TRIM46: variants seen among roughly 807,000 people sequenced by gnomAD.
The protein encoded by TRIM46 is tripartite motif-containing protein 46.
TRIM46 carries 17 observed loss-of-function variants against 69.7 expected under a neutral mutation model. The ratio of observed to expected loss-of-function variants is 0.24; its 90% CI spans 0.17 to 0.37. TRIM46 has a LOEUF of 0.37. TRIM46 is among the 10% of genes least tolerant of loss of function. The pLI is 1.00. For synonymous variants in TRIM46, 391 were observed against 429.0 expected (o/e 0.91, Z 1.09); for missense variants, 675 against 1,025.1 (o/e 0.66, Z 4.66).
chr1:155,179,958 C>A (rs780751067), intron 8 of TRIM46, 24 bp downstream of exon 8: 5 of 1,555,720 alleles, frequency 3.2e-6, no homozygotes, highest in South Asian at 1.2e-5. Context: ...CACAGGTGGT[C>A]GTGCAAAGGG....
chr1:155,176,190 C>A lies in TRIM46; in HGVS notation c.628C>A (p.Gln210Lys). ...LFHPWGTQKA[Q>K]HEPTLPTLSF... ...CCACCCCTGGGGCACCCAGAAGGCCCAGCATGAGCCCACCCTGCCTACCCT... is the reference window on the plus strand; with the variant it reads ...CCACCCCTGGGGCACCCAGAAGGCCAAGCATGAGCCCACCCTGCCTACCCT... Residue 210 changes from glutamine (Q) to lysine (K), a missense_variant, in exon 3 of 10, where the codon CAG (glutamine) becomes AAG (lysine). Around this residue, in one of 5 missense-constraint regions of TRIM46, gnomAD observed 361 missense variants for 498.3 expected, o/e 0.72. Coordinates refer to ENST00000334634, the MANE Select transcript of TRIM46 (RefSeq NM_025058.5). The A allele has an allele frequency of 6.2e-7, 1 of 1,611,348 alleles. No homozygotes were observed. The highest frequency in any genetic ancestry group is 1.7e-4 in the Middle Eastern group (1 of 6,056).
At chr1:155,178,739 T>TTGGGGGCCC in intron 7 of TRIM46, 126 bp downstream of exon 7, 5 of 1,348,468 alleles carry the variant, frequency 3.7e-6, no homozygotes, top group Non-Finnish European at 5.1e-6. Context: ...CAGCCATTCC[T>TTGGGGGCCC]CCCACCCAGC....
chr1:155,174,491 G>C, intron 1 of TRIM46: 2 of 1,425,520 alleles, frequency 1.4e-6, no homozygotes, highest in Non-Finnish European at 1.8e-6. Flanking sequence ...CTGCTTCCGA[G>C]CCTGCGGTTG....
rs890119706 is a variant in TRIM46, at chr1:155,174,573, C to T, written c.63+544C>T. 7.9e-6 allele frequency: 12 copies of T among 1,516,574 alleles called. No individual in the cohort carries two copies. The East Asian group carries it at 1.7e-4, about 22-fold the overall frequency. 93.9% of individuals were successfully genotyped at this position (1,516,574 alleles called of 1,614,324 possible). On this transcript the variant is annotated intron_variant, in intron 1 of 9. Coordinates refer to ENST00000334634, the MANE Select transcript of TRIM46 (RefSeq NM_025058.5). Reference sequence around the variant, plus strand: ...TTCCCCCCCACCACTTCCTCCCCCCCTCCTTGTTCCTCCCTCCTTTGTGTC... The same window carrying T: ...TTCCCCCCCACCACTTCCTCCCCCCTTCCTTGTTCCTCCCTCCTTTGTGTC...
At chr1:155,177,973 G>T (rs371349014) in intron 5 of TRIM46, 29 bp from the exon 6 acceptor site, 1 of 1,604,140 alleles carries the variant, frequency 6.2e-7, no homozygotes, top group Non-Finnish European at 8.5e-7. Flanking sequence ...AGTAAGTCAC[G>T]CATCCTTTGG....
chr1:155,176,832 C>T, intron 3 of TRIM46, 100 bp from the exon 4 acceptor site: 1 of 1,456,226 alleles, frequency 6.9e-7, no homozygotes, highest in Non-Finnish European at 9.5e-7. Context: ...TCTCCACTCC[C>T]ATCTTGCCAG....
At position 155,183,933 on chromosome 1, in the gene TRIM46, G is replaced by A; in HGVS notation, c.2023G>A (p.Gly675Arg). 6.2e-7 allele frequency: 1 copy of A among 1,613,944 alleles called. No homozygotes were observed. Among genetic ancestry groups the A allele is most frequent in the South Asian group, 1.1e-5 (1 of 91,070 alleles). ...GGCAAGCTCAAACGCAGGGCTGACA[G>A]GGAGGGATGGCCCCACAGCCGGCTG... ...SGASSNAGLTGRDGPTAGCTV... is the reference protein window; with the variant it reads ...SGASSNAGLTRRDGPTAGCTV... The change falls in exon 10 of 10, where the codon GGG becomes AGG. Residue 675 changes from glycine (G) to arginine (R), a missense_variant. Physicochemically the swap from Gly to Arg is moderately radical, Grantham distance 125. Transcript: ENST00000334634.
chr1:155,181,926 G>A lies in TRIM46; in HGVS notation c.1663G>A (p.Val555Ile). ...RLAISKDQRAVRSVPGLPLLL... is the reference protein window; with the variant it reads ...RLAISKDQRAIRSVPGLPLLL... The stretch of plus-strand genomic sequence containing the variant: ...GGCTATCAGCAAGGACCAGCGAGCA[G>A]TACGGAGTGTTCCAGGGCTGCCCCT... The change falls in exon 9 of 10, where the codon GTA (valine) becomes ATA (isoleucine). Residue 555 changes from valine (V) to isoleucine (I), a missense_variant. Physicochemically the swap from Val to Ile is conservative, Grantham distance 29. Transcript: ENST00000334634. The surrounding 1 kb of genome is among the most constrained non-coding windows in gnomAD (Gnocchi z 4.3). 6.2e-7 allele frequency: 1 copy of A among 1,614,090 alleles called. No homozygotes were observed. The highest frequency in any genetic ancestry group is 8.5e-7 in the Non-Finnish European group (1 of 1,180,050).
intron 8 of TRIM46, chr1:155,180,420 C>T (rs1446767558): frequency 1.8e-5 from 7 of 380,564 alleles, no homozygotes; most frequent in Middle Eastern, 6.8e-4. Context: ...CATGGTGAAA[C>T]CCCGTCTCTA....
chr1:155,178,952 C>A, intron 7 of TRIM46: 1 of 822,798 alleles, frequency 1.2e-6, no homozygotes, highest in Non-Finnish European at 1.8e-6. Context: ...CCTTCTCTTT[C>A]CTGCCTTGCC....
In TRIM46 at chr1:155,173,975, G is replaced by A; in HGVS notation, c.9G>A (p.Glu3=). MA[E]GEDMQTFTSI... is the part of the protein sequence containing the mutation. ...GCGGGCACGGTAGGGCCATGGCAGAGGGTGAGGATATGCAGACCTTCACTT... is the reference window on the plus strand; with the variant it reads ...GCGGGCACGGTAGGGCCATGGCAGAAGGTGAGGATATGCAGACCTTCACTT... The change falls in exon 1 of 10, where the codon GAG becomes GAA. Residue 3 remains glutamate, a synonymous_variant. Coordinates refer to ENST00000334634, the MANE Select transcript of TRIM46 (RefSeq NM_025058.5). 1 of 1,575,344 alleles carries A rather than the reference G, an allele frequency of 6.3e-7. No homozygotes were observed.
intron 7 of TRIM46, among the ~76,000 whole-genome samples, chr1:155,179,286 G>T (rs549062825): frequency 1.3e-5 from 2 of 152,266 alleles, no homozygotes; most frequent in African/African-American, 4.8e-5. Context: ...TAACTGAGCT[G>T]CAAGGGCCCC....
intron 3 of TRIM46, 69 bp from the exon 4 acceptor site, chr1:155,176,863 C>A: frequency 6.4e-7 from 1 of 1,569,932 alleles, no homozygotes; most frequent in South Asian, 1.1e-5. Context: ...CACCAAACTG[C>A]TGTAGTGGTA....
Position 155,175,323 on chromosome 1 carries a change from A to G in TRIM46, c.64-63A>G, listed in dbSNP as rs913011682. The G allele has an allele frequency of 1.8e-5, 29 of 1,596,400 alleles. No individual in the cohort carries two copies. The highest frequency in any genetic ancestry group is 2.5e-5 in the Non-Finnish European group (29 of 1,174,930). On this transcript the variant is annotated intron_variant, in intron 1 of 9. Coordinates refer to ENST00000334634, the MANE Select transcript of TRIM46 (RefSeq NM_025058.5). The surrounding 1 kb of genome is among the most constrained non-coding windows in gnomAD (Gnocchi z 4.2). ...ACCCCTAGGGTATCCAAGGGCAGCC[A>G]AGGGGCTGCTGAGGTATGCCTAAGT... is the stretch of plus-strand genomic sequence containing the variant.
At position 155,175,401 on chromosome 1, in the gene TRIM46, A is replaced by G. The variant is rs781466323; in HGVS notation, c.79A>G (p.Met27Val). ...CCCTCCACAGACCAGCATGAAGAACATGGAGAAGGAACTGCTGTGCCCAGT... is the reference window on the plus strand; with the variant it reads ...CCCTCCACAGACCAGCATGAAGAACGTGGAGAAGGAACTGCTGTGCCCAGT... Reference protein sequence around the residue: ...LVRISTSMKNMEKELLCPVCQ... With the variant: ...LVRISTSMKNVEKELLCPVCQ... The change falls in exon 2 of 10, where the codon ATG becomes GTG. Residue 27 changes from methionine to valine, a missense_variant. Physicochemically the swap from Met to Val is conservative, Grantham distance 21 (BLOSUM62 1). Around this residue, in one of 5 missense-constraint regions of TRIM46, gnomAD observed 170 missense variants for 255.6 expected, o/e 0.67. Coordinates refer to ENST00000334634, the MANE Select transcript of TRIM46 (RefSeq NM_025058.5). The surrounding 1 kb of genome is among the most constrained non-coding windows in gnomAD (Gnocchi z 4.2). 2.5e-6 allele frequency: 4 copies of G among 1,614,018 alleles called. No homozygotes were observed. The highest frequency in any genetic ancestry group is 3.4e-6 in the Non-Finnish European group (4 of 1,179,946).
Position 155,178,273 on chromosome 1 carries a change from C to T in TRIM46, c.1163+18C>T. On this transcript the variant is annotated intron_variant, in intron 6 of 9. Coordinates refer to ENST00000334634, the MANE Select transcript of TRIM46 (RefSeq NM_025058.5). ...CACAACAGGTACTCAGGGGCATGGG[C>T]TCCTAGGGGGGCAGGGACATCATGG... 2 of 1,582,178 alleles carry T rather than the reference C, an allele frequency of 1.3e-6. No individual in the cohort carries two copies. The highest frequency in any genetic ancestry group is 1.7e-6 in the Non-Finnish European group (2 of 1,161,566).
At chr1:155,178,739 T>TGTGG in intron 7 of TRIM46, 126 bp downstream of exon 7, 1 of 1,348,472 alleles carries the variant, frequency 7.4e-7, no homozygotes, top group Non-Finnish European at 1.0e-6. Flanking sequence ...CAGCCATTCC[T>TGTGG]CCCACCCAGC....
In TRIM46 at chr1:155,181,805, T is replaced by C; in HGVS notation, c.1589-47T>C. On this transcript the variant is annotated intron_variant, in intron 8 of 9. Coordinates refer to ENST00000334634, the MANE Select transcript of TRIM46 (RefSeq NM_025058.5). This position sits in a 1 kb window ranked among gnomAD's most constrained non-coding sequence, Gnocchi z 4.3. ...GTCTCACAGCCCCCAGTGCCAGTGT[T>C]TGTCCCTGAAGTTCTTGCTCCATCT... is the stretch of plus-strand genomic sequence containing the variant. 1 of 1,569,630 alleles carries C rather than the reference T, an allele frequency of 6.4e-7. No homozygotes were observed. The highest frequency in any genetic ancestry group is 8.7e-7 in the Non-Finnish European group (1 of 1,153,232).
In TRIM46 at chr1:155,174,894, G is replaced by A. The variant is rs921631206; in HGVS notation, c.64-492G>A. The A allele has an allele frequency of 3.6e-6, 5 of 1,408,270 alleles. No individual in the cohort carries two copies. In the East Asian group the frequency reaches 1.1e-4, roughly 31 times the overall value. The allele number at this position is 1,408,270 out of a possible 1,614,324, so 87.2% of individuals were successfully genotyped here. A position where few individuals can be genotyped will look rare whatever the true frequency, so the allele number is the denominator to read the frequency against. On this transcript the variant is annotated intron_variant, in intron 1 of 9. Transcript: ENST00000334634. ...ATGGAGGCTGGAGTGGCCGCAGGCC[G>A]GAGCTGCGGCAGGAGGACGTATGGA...
Sources: gnomAD v4.1 joint callset for allele counts (sites outside exome capture counted in the v4.1 genomes callset) on GRCh38, gnomAD v4.1.1 for gene constraint, gnomAD v4.1.1 regional missense constraint, Gnocchi (gnomAD v3.1) non-coding constraint, MANE v1.5 for transcripts, NCBI Gene and HGNC (gene_info 2026-07-23, HGNC 2026-07-21) for gene names.